ILDR1: variants seen among roughly 807,000 people sequenced by gnomAD.
ILDR1 encodes the protein immunoglobulin-like domain-containing receptor 1.
A neutral mutation model predicts 62.4 loss-of-function variants in ILDR1; 56 were observed. The ratio of observed to expected loss-of-function variants is 0.90; its 90% CI spans 0.72 to 1.12. The LOEUF is 1.12. ILDR1 is among the 50% of genes most tolerant of loss of function. ILDR1 has a pLI of 0.00. For missense variants in ILDR1, 736 were observed against 710.6 expected (o/e 1.04, Z -0.41); for synonymous variants, 284 against 277.8 (o/e 1.02, Z -0.22).
chr3:122,008,434 T>C (rs1244073875), intron 1 of ILDR1, among the ~76,000 whole-genome samples: 1 of 152,174 alleles, frequency 6.6e-6, no homozygotes, highest in East Asian at 1.9e-4. Context: ...GGAGGTTTAG[T>C]GTGGAGCACT....
At chr3:122,011,654 T>TC (rs2071704027) in intron 1 of ILDR1, among the ~76,000 whole-genome samples, 8 of 67,626 alleles carry the variant, frequency 1.2e-4, no homozygotes, top group African/African-American at 4.1e-4. Flanking sequence ...CTGTCTCTCT[T>TC]TCTCTCTCTC....
At chr3:122,009,553 A>G (rs1183068281) in intron 1 of ILDR1, among the ~76,000 whole-genome samples, 1 of 152,244 alleles carries the variant, frequency 6.6e-6, no homozygotes, top group African/African-American at 2.4e-5. Context: ...GAAGCCTTGC[A>G]CATACACTGC....
Position 121,993,576 on chromosome 3 carries a change from T to A in ILDR1, c.1173A>T (p.Glu391Asp), listed in dbSNP as rs780179284. 3.0e-5 allele frequency: 48 copies of A among 1,614,084 alleles called. No homozygotes were observed. The highest frequency in any genetic ancestry group is 3.9e-5 in the Non-Finnish European group (46 of 1,180,040). ...QDRGPKSWAL[E>D]RRELDPSWSG... Reference sequence around the variant, plus strand: ...TCCACGATGGGTCCAACTCCCTTCTTTCCAATGCCCAAGACTTTGGCCCCC... The same window carrying A: ...TCCACGATGGGTCCAACTCCCTTCTATCCAATGCCCAAGACTTTGGCCCCC... Residue 391 changes from glutamate (E) to aspartate (D), a missense_variant, in exon 7 of 8, where the codon GAA becomes GAT. By Grantham distance (45) the Glu-to-Asp change is conservative (BLOSUM62 2). Coordinates refer to ENST00000344209, the MANE Select transcript of ILDR1 (RefSeq NM_001199799.2).
At chr3:122,039,650 C>T in the ILDR1 span, among the ~76,000 whole-genome samples, 2 of 151,894 alleles carry the variant, frequency 1.3e-5, no homozygotes, top group Non-Finnish European at 2.9e-5. Context: ...AAAAGTTTTT[C>T]AGGCAGAAGA....
At position 121,994,284 on chromosome 3, in the gene ILDR1, C is replaced by T. The variant is rs1224751720; in HGVS notation, c.676G>A (p.Ala226Thr). Reference sequence around the variant, plus strand: ...ATCATCTGAGGACCTAGGGCCTGGGCCTGCTTCATGTAGCGGTGGCGGGCC... The same window carrying T: ...ATCATCTGAGGACCTAGGGCCTGGGTCTGCTTCATGTAGCGGTGGCGGGCC... ...ALARHRYMKQAQALGPQMMGK... is the reference protein window; with the variant it reads ...ALARHRYMKQTQALGPQMMGK... The change falls in exon 6 of 8, where the codon GCC becomes ACC. Residue 226 changes from alanine (A) to threonine (T), a missense_variant. Coordinates refer to ENST00000344209, the MANE Select transcript of ILDR1 (RefSeq NM_001199799.2). 2.0e-6 allele frequency: 3 copies of T among 1,535,860 alleles called. No homozygotes were observed. Among genetic ancestry groups the T allele is most frequent in the African/African-American group, 1.4e-5 (1 of 73,148 alleles).
At chr3:122,048,437 G>A in the ILDR1 span, among the ~76,000 whole-genome samples, 1 of 152,156 alleles carries the variant, frequency 6.6e-6, no homozygotes, top group Non-Finnish European at 1.5e-5. Flanking sequence ...CACTGGCCTT[G>A]TAAAATGAGT....
At chr3:121,998,711 A>G (rs1447024244) in intron 5 of ILDR1, among the ~76,000 whole-genome samples, 1 of 151,978 alleles carries the variant, frequency 6.6e-6, no homozygotes, top group East Asian at 1.9e-4. Flanking sequence ...CCTGCATATT[A>G]TTACTCCAGT....
At chr3:122,014,863 T>C (rs1050810584) in intron 1 of ILDR1, among the ~76,000 whole-genome samples, 2 of 152,174 alleles carry the variant, frequency 1.3e-5, no homozygotes, top group East Asian at 3.8e-4. Flanking sequence ...CAAGACCTGG[T>C]TGAGGGGCAG....
At chr3:122,031,159 C>T in the ILDR1 span, among the ~76,000 whole-genome samples, 3 of 152,116 alleles carry the variant, frequency 2.0e-5, no homozygotes, top group African/African-American at 4.8e-5. Context: ...AATGAATCTC[C>T]GGACATTGCC....
chr3:122,047,869 G>T, the ILDR1 span, among the ~76,000 whole-genome samples: 1 of 152,216 alleles, frequency 6.6e-6, no homozygotes, highest in Non-Finnish European at 1.5e-5. Flanking sequence ...GAAATCACCC[G>T]TCTTCTGCGT....
the ILDR1 span, among the ~76,000 whole-genome samples, chr3:122,052,812 G>A: frequency 6.6e-6 from 1 of 152,114 alleles, no homozygotes; most frequent in African/African-American, 2.4e-5. Context: ...CAAGTGATCC[G>A]CCTGCCTTGG....
the ILDR1 span, among the ~76,000 whole-genome samples, chr3:122,047,903 C>A: frequency 4.6e-5 from 7 of 152,352 alleles, no homozygotes; most frequent in South Asian, 6.2e-4. Context: ...AGCTGTAGAC[C>A]GGAGCTGTTC....
In ILDR1 at chr3:121,993,356, G is replaced by A. The variant is rs2071382280; in HGVS notation, c.1393C>T (p.His465Tyr). Residue 465 changes from histidine to tyrosine, a missense_variant, in exon 7 of 8, where the codon CAC becomes TAC. Transcript: ENST00000344209. ...GGCAAGGGAGGAGAGTAGCTGCGGT[G>A]CCTGCGTCGTCTCCCGTGCCTCTGA... ...STQRHGRRRR[H>Y]RSYSPPLPSG... The A allele has an allele frequency of 1.2e-6, 2 of 1,609,796 alleles. No homozygotes were observed. The highest frequency in any genetic ancestry group is 1.7e-6 in the Non-Finnish European group (2 of 1,176,828).
the ILDR1 span, chr3:122,055,520 A>G: frequency 6.2e-7 from 1 of 1,613,466 alleles, no homozygotes; most frequent in Non-Finnish European, 8.5e-7. Flanking sequence ...AATAATTCTT[A>G]TTCTTTGCAG....
chr3:122,006,284 A>C (rs1167735353), intron 2 of ILDR1, among the ~76,000 whole-genome samples: 3 of 152,100 alleles, frequency 2.0e-5, no homozygotes, highest in Admixed American at 1.3e-4. Flanking sequence ...ATCTCCAAAA[A>C]ATTAATTGTC....
Position 122,005,310 on chromosome 3 carries a change from G to T in ILDR1, c.313C>A (p.Arg105=), listed in dbSNP as rs755582465. 16 of 1,590,810 alleles carry T rather than the reference G, an allele frequency of 1.0e-5. No individual in the cohort carries two copies. The highest frequency in any genetic ancestry group is 2.3e-5 in the East Asian group (1 of 43,194). ...AGCACGGGCTCATTCTGCCCCCGCCGCTGGGCCACTATGCGAACTTCCCGC... is the reference window on the plus strand; with the variant it reads ...AGCACGGGCTCATTCTGCCCCCGCCTCTGGGCCACTATGCGAACTTCCCGC... ...NQREVRIVAQ[R]RGQNEPVLGV... Residue 105 remains arginine, a synonymous_variant, in exon 3 of 8, where the codon CGG becomes AGG. Transcript: ENST00000344209.
At chr3:122,020,830 T>C (rs575889256) in intron 1 of ILDR1, among the ~76,000 whole-genome samples, 1 of 152,282 alleles carries the variant, frequency 6.6e-6, no homozygotes, top group African/African-American at 2.4e-5. Flanking sequence ...CTTCAGACAG[T>C]TTCTAGGGTC....
chr3:122,005,007 C>T (rs972471202), intron 3 of ILDR1, among the ~76,000 whole-genome samples: 1 of 152,184 alleles, frequency 6.6e-6, no homozygotes, highest in African/African-American at 2.4e-5. Context: ...GACCTTTAGC[C>T]AAAGCTATAG....
chr3:122,055,678 A>T, the ILDR1 span, among the ~76,000 whole-genome samples: 5 of 152,250 alleles, frequency 3.3e-5, no homozygotes, highest in Non-Finnish European at 7.3e-5. Context: ...TGCAATGCCC[A>T]AAGCAGTTCA....
Sources: allele counts gnomAD v4.1 joint callset (sites outside exome capture counted in the v4.1 genomes callset), GRCh38; gene constraint gnomAD v4.1.1; transcripts MANE v1.5; gene names NCBI Gene and HGNC (gene_info 2026-07-23, HGNC 2026-07-21).